The following WDFY3 variants were observed in gnomAD, a reference collection of about 807,000 sequenced individuals.
WDFY3 encodes the protein WD repeat and FYVE domain containing 3, also known as WD repeat and FYVE domain-containing protein 3.
In WDFY3, 66 loss-of-function variants were observed where a neutral mutation model predicts 409.6. The observed-to-expected ratio is 0.16, with a 90% confidence interval of 0.13 to 0.20. The LOEUF (loss-of-function observed/expected upper bound fraction) is 0.20. Ranked by LOEUF, WDFY3 falls within the 10% of genes least tolerant of loss-of-function variation. The pLI is 1.00. For missense variants in WDFY3, 3,031 were observed against 4,298.1 expected (o/e 0.71, Z 8.24); for synonymous variants, 1,521 against 1,537.1 (o/e 0.99, Z 0.25).
At chr4:84,739,248 A>T in intron 39 of WDFY3, 129 bp from the exon 40 acceptor site, 2 of 883,288 alleles carry the variant, frequency 2.3e-6, no homozygotes, top group South Asian at 3.5e-5. Context: ...ACAGAACAGA[A>T]TTCTAGTTTG....
At chr4:84,767,728 T>A (rs114333976) in intron 30 of WDFY3, among the ~76,000 whole-genome samples, 2,352 of 152,058 alleles carry the variant, frequency 0.015, 31 homozygotes, top group Non-Finnish European at 0.026. Flanking sequence ...TAAAACATAA[T>A]CCTGAGCAAA....
At chr4:84,917,597 T>A (rs1768679651) in intron 2 of WDFY3, among the ~76,000 whole-genome samples, 1 of 152,172 alleles carries the variant, frequency 6.6e-6, no homozygotes, top group African/African-American at 2.4e-5. Flanking sequence ...GAGCATCTGG[T>A]AGAGATAACC....
Position 84,780,569 on chromosome 4 carries a change from C to T in WDFY3, c.4175-271G>A, listed in dbSNP as rs190920998. On this transcript the variant is annotated intron_variant, in intron 25 of 67. Transcript: ENST00000295888. ...GTCAGGAGTTTGAGACTAGTCTGACCAACATGGTGAAACCCCAAACCCCGT... is the reference window on the plus strand; with the variant it reads ...GTCAGGAGTTTGAGACTAGTCTGACTAACATGGTGAAACCCCAAACCCCGT... Among the ~76,000 whole-genome samples, 15 of 151,948 alleles carry T rather than the reference C, an allele frequency of 9.9e-5. No individual in the cohort carries two copies. The East Asian group carries it at 2.7e-3, about 28-fold the overall frequency.
At chr4:84,963,119 C>A (rs990519760) in intron 1 of WDFY3, among the ~76,000 whole-genome samples, 23 of 141,460 alleles carry the variant, frequency 1.6e-4, no homozygotes, top group African/African-American at 3.5e-4. Context: ...AACAAACAAA[C>A]AAAAAAACAA....
At chr4:84,861,923 T>C (rs1015306495) in intron 3 of WDFY3, among the ~76,000 whole-genome samples, 1 of 152,210 alleles carries the variant, frequency 6.6e-6, no homozygotes, top group Admixed American at 6.5e-5. Flanking sequence ...GAGGACATTC[T>C]GGGTATGCAG....
chr4:84,960,317 G>A (rs1774748721), intron 1 of WDFY3, among the ~76,000 whole-genome samples: 1 of 152,024 alleles, frequency 6.6e-6, no homozygotes, highest in Non-Finnish European at 1.5e-5. Flanking sequence ...TCCAAACTTT[G>A]AAGTCTGAGT....
In WDFY3 at chr4:84,753,826, G is replaced by C; in HGVS notation, c.5610C>G (p.Thr1870=). The C allele has an allele frequency of 6.2e-7, 1 of 1,609,176 alleles. No individual in the cohort carries two copies. Among genetic ancestry groups the C allele is most frequent in the Non-Finnish European group, 8.5e-7 (1 of 1,178,118 alleles). Residue 1870 remains threonine, a synonymous_variant, in exon 35 of 68, where the codon ACC becomes ACG. Coordinates refer to ENST00000295888, the MANE Select transcript of WDFY3 (RefSeq NM_014991.6). ...ACAAATATCTGAAGAACTGCATCAG[G>C]GTCACAGGATATTCTCGGAGCCAAG... ...EGSWLREYPV[T]LMQFFRYLYH... is the part of the protein sequence containing the mutation.
intron 1 of WDFY3, among the ~76,000 whole-genome samples, chr4:84,961,696 C>A (rs7661609): frequency 6.6e-6 from 1 of 151,844 alleles, no homozygotes; most frequent in African/African-American, 2.4e-5. Flanking sequence ...ACTTTCTATA[C>A]TGAGTCTAAA....
At chr4:84,818,088 G>T (rs974397402) in intron 12 of WDFY3, among the ~76,000 whole-genome samples, 1 of 152,138 alleles carries the variant, frequency 6.6e-6, no homozygotes, top group African/African-American at 2.4e-5. Flanking sequence ...TTCTGTAACA[G>T]AAGTATGTGT....
intron 33 of WDFY3, among the ~76,000 whole-genome samples, chr4:84,756,166 A>G (rs965141454): frequency 6.6e-6 from 1 of 152,172 alleles, no homozygotes; most frequent in African/African-American, 2.4e-5. Flanking sequence ...GATGCTATCT[A>G]TCATTAAGTA....
At chr4:84,894,708 C>A (rs1002908624) in intron 3 of WDFY3, among the ~76,000 whole-genome samples, 2 of 151,990 alleles carry the variant, frequency 1.3e-5, no homozygotes, top group African/African-American at 4.8e-5. Context: ...ATTGCTTCAA[C>A]CCAGGAGGCA....
In WDFY3 at chr4:84,724,726, C is replaced by T. The variant is rs1213579453; in HGVS notation, c.7273-132G>A. 14 of 843,834 alleles carry T rather than the reference C, an allele frequency of 1.7e-5. No individual in the cohort carries two copies. In the Admixed American group the frequency reaches 1.9e-4, roughly 12 times the overall value. 52.3% of individuals were successfully genotyped at this position (843,834 alleles called of 1,614,324 possible). A position where few individuals can be genotyped will look rare whatever the true frequency, so the allele number is the denominator to read the frequency against. On this transcript the variant is annotated intron_variant, in intron 45 of 67. Transcript: ENST00000295888. ...GCTTTTCATAGACTGTATGTATATACAGTAAATCCACACTTTTGGGTTAAG... is the reference window on the plus strand; with the variant it reads ...GCTTTTCATAGACTGTATGTATATATAGTAAATCCACACTTTTGGGTTAAG...
At chr4:84,713,348 C>T in intron 50 of WDFY3, 109 bp from the exon 51 acceptor site, 2 of 910,992 alleles carry the variant, frequency 2.2e-6, no homozygotes, top group Non-Finnish European at 3.5e-6. Flanking sequence ...CGTCTACCCT[C>T]CCATAACCCA....
chr4:84,801,888 ACAGT>A (rs1252731331), intron 16 of WDFY3, 24 bp from the exon 17 acceptor site: 11 of 1,602,116 alleles, frequency 6.9e-6, no homozygotes, highest in Middle Eastern at 1.7e-4. Context: ...AGAAATCCAC[ACAGT>A]CAGGTCATTC....
Position 84,741,662 on chromosome 4 carries a change from A to G in WDFY3, c.6234+99T>C, listed in dbSNP as rs1310690062. 5 of 1,294,408 alleles carry G rather than the reference A, an allele frequency of 3.9e-6. No individual in the cohort carries two copies. In the African/African-American group the frequency reaches 4.6e-5, roughly 12 times the overall value. The allele number at this position is 1,294,408 out of a possible 1,614,324, so 80.2% of individuals were successfully genotyped here. ...GCTTAGCTTTTTCTTAAATGTTAAC[A>G]TTCATTATCTTATTAGTTATATTTA... On this transcript the variant is annotated intron_variant, in intron 38 of 67. Coordinates refer to ENST00000295888, the MANE Select transcript of WDFY3 (RefSeq NM_014991.6).
At position 84,801,874 on chromosome 4, in the gene WDFY3, A is replaced by T. The variant is rs776172116; in HGVS notation, c.2608-10T>A. 6.2e-7 allele frequency: 1 copy of T among 1,611,816 alleles called. No individual in the cohort carries two copies. ...GAAGATCCAAAGCATGCTAAAATCAACAAAGAAATCCACACAGTCAGGTCA... is the reference window on the plus strand; with the variant it reads ...GAAGATCCAAAGCATGCTAAAATCATCAAAGAAATCCACACAGTCAGGTCA... On this transcript the variant is annotated splice_polypyrimidine_tract_variant and intron_variant, in intron 16 of 67. Transcript: ENST00000295888.
chr4:84,882,454 A>C (rs11097026), intron 3 of WDFY3, among the ~76,000 whole-genome samples: 58,327 of 151,796 alleles, frequency 0.38, 11,538 homozygotes, highest in Admixed American at 0.47. Flanking sequence ...TGAAGCAGAG[A>C]CTCTTCCTGC....
chr4:84,755,551 C>T, intron 33 of WDFY3, 151 bp from the exon 34 acceptor site: 7 of 832,248 alleles, frequency 8.4e-6, no homozygotes, highest in Non-Finnish European at 1.2e-5. Flanking sequence ...TAGTACCCTT[C>T]CATCCTACAT....
chr4:84,703,609 A>T (rs1731430026), intron 55 of WDFY3, among the ~76,000 whole-genome samples: 1 of 152,138 alleles, frequency 6.6e-6, no homozygotes, highest in Non-Finnish European at 1.5e-5. Flanking sequence ...CCTGCCTTAG[A>T]GCCCTTGCAC....
Sources: allele counts gnomAD v4.1 joint callset (sites outside exome capture counted in the v4.1 genomes callset), GRCh38; gene constraint gnomAD v4.1.1; transcripts MANE v1.5; gene names NCBI Gene and HGNC (gene_info 2026-07-23, HGNC 2026-07-21).